The following SEMA3A variants were observed in gnomAD, a reference collection of about 807,000 sequenced individuals.
The protein encoded by SEMA3A is semaphorin 3A, also known as semaphorin-3A.
SEMA3A carries 29 observed loss-of-function variants against 97.9 expected under a neutral mutation model. That is an observed-to-expected ratio of 0.30 (90% confidence interval 0.22 to 0.40). SEMA3A has a LOEUF of 0.40. Ranked by LOEUF, SEMA3A falls within the 10% of genes least tolerant of loss-of-function variation. The pLI, the probability that SEMA3A is intolerant of heterozygous loss-of-function variation, is 1.00. For missense variants in SEMA3A, 763 were observed against 951.3 expected (o/e 0.80, Z 2.60); for synonymous variants, 321 against 323.7 (o/e 0.99, Z 0.09).
rs559846220 is a variant in SEMA3A at position 84,126,700 on chromosome 7, T to C, written c.333+2423A>G. Among the ~76,000 whole-genome samples, 4 of 152,350 alleles carry C rather than the reference T, an allele frequency of 2.6e-5. No homozygotes were observed. In the East Asian group the frequency reaches 7.7e-4, roughly 29 times the overall value. On this transcript the variant is annotated intron_variant, in intron 3 of 16. Transcript: ENST00000265362. ...GTAAAATGTAGCTTTTTGACGTTAA[T>C]AGATTTTTGTTTGTTCAATTATACT...
At chr7:84,217,745 A>T (rs1343388793) in intron 3 of SEMA3A, among the ~76,000 whole-genome samples, 1 of 150,962 alleles carries the variant, frequency 6.6e-6, no homozygotes, top group African/African-American at 2.4e-5. Flanking sequence ...TGAGTGGCAG[A>T]GTGAGACTCT....
chr7:84,098,511 G>A (rs1289956887), intron 4 of SEMA3A, among the ~76,000 whole-genome samples: 1 of 151,994 alleles, frequency 6.6e-6, no homozygotes, highest in Non-Finnish European at 1.5e-5. Flanking sequence ...TCTAGCACTA[G>A]TTTTATTAAA....
intron 6 of SEMA3A, among the ~76,000 whole-genome samples, chr7:84,035,358 A>G (rs1441753210): frequency 1.3e-5 from 2 of 152,066 alleles, no homozygotes; most frequent in African/African-American, 4.8e-5. Flanking sequence ...ATAAAATAGG[A>G]AGGCAGTAAA....
intron 3 of SEMA3A, among the ~76,000 whole-genome samples, chr7:84,277,502 G>A (rs1800334579): frequency 6.6e-6 from 1 of 152,012 alleles, no homozygotes; most frequent in Non-Finnish European, 1.5e-5. Flanking sequence ...TAAAAAATGG[G>A]GTGTGACTGA....
chr7:84,300,032 C>CAAAAAAAAAAAA (rs58929555), intron 3 of SEMA3A, among the ~76,000 whole-genome samples: 3 of 53,288 alleles, frequency 5.6e-5, no homozygotes, highest in East Asian at 4.8e-4. Context: ...GACTCAGTCA[C>CAAAAAAAAAAAA]AAAAAAAAAA....
intron 4 of SEMA3A, among the ~76,000 whole-genome samples, chr7:84,105,664 G>C (rs1042739283): frequency 2.0e-5 from 3 of 151,930 alleles, no homozygotes; most frequent in Admixed American, 2.0e-4. Flanking sequence ...AACATCCTGA[G>C]ACATCTTCGA....
chr7:84,161,393 T>G (rs1797029909), intron 1 of SEMA3A, among the ~76,000 whole-genome samples: 1 of 152,018 alleles, frequency 6.6e-6, no homozygotes, highest in South Asian at 2.1e-4. Context: ...AAATTTAATC[T>G]AGAAATTAAC....
rs897371147 is a variant in SEMA3A, at chr7:84,458,796, T to G, written c.-246+33664A>C. Among the ~76,000 whole-genome samples, 11 of 152,110 alleles carry G rather than the reference T, an allele frequency of 7.2e-5. No individual in the cohort carries two copies. The East Asian group carries it at 7.7e-4, about 11-fold the overall frequency. On this transcript the variant is annotated intron_variant, in intron 1 of 3. Transcript: ENST00000424555. The stretch of plus-strand genomic sequence containing the variant: ...GATATCCATCACTTCAAATATTTAT[T>G]TTTTCTTTGTTTTGAGAACATTCTG...
intron 2 of SEMA3A, among the ~76,000 whole-genome samples, chr7:84,310,153 T>C (rs1801277598): frequency 6.6e-6 from 1 of 152,158 alleles, no homozygotes; most frequent in Admixed American, 6.5e-5. Context: ...GCAGTCATCA[T>C]GCTGGTTGAA....
chr7:84,286,889 G>C (rs1800603015), intron 3 of SEMA3A, among the ~76,000 whole-genome samples: 1 of 152,032 alleles, frequency 6.6e-6, no homozygotes, highest in Admixed American at 6.6e-5. Flanking sequence ...CTAAATATTT[G>C]ATGTCATTTA....
intron 3 of SEMA3A, among the ~76,000 whole-genome samples, chr7:84,237,077 G>C (rs1223484292): frequency 6.6e-6 from 1 of 152,028 alleles, no homozygotes; most frequent in Non-Finnish European, 1.5e-5. Context: ...ATCGGGAAAA[G>C]CAATGCCCAA....
At chr7:84,245,417 C>T (rs1032441656) in intron 3 of SEMA3A, among the ~76,000 whole-genome samples, 5 of 151,846 alleles carry the variant, frequency 3.3e-5, no homozygotes, top group South Asian at 2.1e-4. Flanking sequence ...ATGAAGTTAT[C>T]GTGCTGTGTT....
At chr7:84,113,323 T>C (rs1795329817) in intron 3 of SEMA3A, among the ~76,000 whole-genome samples, 1 of 152,192 alleles carries the variant, frequency 6.6e-6, no homozygotes, top group African/African-American at 2.4e-5. Flanking sequence ...GTATCAATCC[T>C]GTCATTCATT....
At position 83,980,623 on chromosome 7, in the gene SEMA3A, A is replaced by AATATATAT. The variant is rs1554383378; in HGVS notation, c.1652+690_1652+697dup. Among the ~76,000 whole-genome samples the AATATATAT allele has an allele frequency of 1.3e-3, 91 of 71,662 alleles. 1 individual carries two copies. Among genetic ancestry groups the AATATATAT allele is most frequent in the African/African-American group, 4.3e-3 (52 of 12,010 alleles). The allele number at this position is 71,662 out of a possible 152,430, so 47.0% of individuals were successfully genotyped here. On this transcript the variant is annotated intron_variant, in intron 14 of 16. Transcript: ENST00000265362. ...CATCTCAAAAAAAAAAAAAAAAAAA[A>AATATATAT]ATATATATATATATATACACACACA...
intron 1 of SEMA3A, among the ~76,000 whole-genome samples, chr7:84,185,866 C>A (rs1025394339): frequency 1.3e-5 from 2 of 151,900 alleles, no homozygotes; most frequent in Non-Finnish European, 2.9e-5. Context: ...TAAGAAATAA[C>A]CCTGCTTCTG....
chr7:84,485,224 T>C (rs1003103737), intron 1 of SEMA3A, among the ~76,000 whole-genome samples: 5 of 152,184 alleles, frequency 3.3e-5, no homozygotes, highest in African/African-American at 1.2e-4. Flanking sequence ...AGTACTCAAA[T>C]TTTCATGTAC....
At chr7:84,332,645 A>T (rs1057211849) in intron 2 of SEMA3A, among the ~76,000 whole-genome samples, 2 of 149,942 alleles carry the variant, frequency 1.3e-5, no homozygotes, top group Non-Finnish European at 3.0e-5. Context: ...AATCCAAGGC[A>T]CTGATAAATT....
At chr7:84,392,593 C>T (rs897782593) in intron 1 of SEMA3A, among the ~76,000 whole-genome samples, 3 of 152,116 alleles carry the variant, frequency 2.0e-5, no homozygotes, top group Non-Finnish European at 4.4e-5. Context: ...GCAGAAGTGG[C>T]ATTGCCGGTA....
intron 2 of SEMA3A, among the ~76,000 whole-genome samples, chr7:84,322,035 A>ATGTG (rs1801662181): frequency 6.6e-6 from 1 of 151,852 alleles, no homozygotes; most frequent in Non-Finnish European, 1.5e-5. Context: ...ACCTCATCAC[A>ATGTG]GGGTGGCAGG....
Sources: gnomAD v4.1 joint callset for allele counts (sites outside exome capture counted in the v4.1 genomes callset) on GRCh38, gnomAD v4.1.1 for gene constraint, MANE v1.5 for transcripts, NCBI Gene and HGNC (gene_info 2026-07-23, HGNC 2026-07-21) for gene names.